LYPD6: variants seen among roughly 807,000 people sequenced by gnomAD.
LYPD6 encodes LY6/PLAUR domain containing 6, also known as ly6/PLAUR domain-containing protein 6.
LYPD6 carries 15 observed loss-of-function variants against 22.7 expected under a neutral mutation model. The observed-to-expected ratio is 0.66, with a 90% CI of 0.44 to 1.02. The LOEUF is 1.02. Ranked by LOEUF, LYPD6 falls within the 50% of genes least tolerant of loss-of-function variation. The probability of loss-of-function intolerance (pLI) is 0.00; values close to 1 mark genes in which losing one functional copy is unlikely to be tolerated. For synonymous variants in LYPD6, 72 were observed against 77.5 expected (o/e 0.93, Z 0.37); for missense variants, 189 against 208.4 (o/e 0.91, Z 0.57).
intron 1 of LYPD6, among the ~76,000 whole-genome samples, chr2:149,365,516 T>C (rs1170728110): frequency 2.0e-5 from 3 of 152,164 alleles, no homozygotes; most frequent in Non-Finnish European, 4.4e-5. Flanking sequence ...TATTGGATTG[T>C]TATTAAGGAT....
downstream of LYPD6, among the ~76,000 whole-genome samples, chr2:149,478,213 C>G (rs1003000450): frequency 6.6e-6 from 1 of 152,086 alleles, no homozygotes. Context: ...TCTCTTCATA[C>G]TCATCTCAAG....
At chr2:149,330,423 A>G (rs1426348971), upstream of LYPD6, 3 of 150,184 alleles carry the variant, frequency 2.0e-5, no homozygotes, top group Non-Finnish European at 4.4e-5. Context: ...CGCCGGGCCA[A>G]TGAGCGCGCC....
rs762378605 is a variant in LYPD6, at chr2:149,437,694, A to G, written c.-15A>G. ...CACTCCCAGGCCCTCTGTATGAGTG[A>G]CACTTCAGTCTGCCATGGAACCTGG... On this transcript the variant is annotated 5_prime_UTR_variant, in exon 2 of 5. The change abolishes the stop of an existing upstream ORF in the 5' untranslated region. Transcript: ENST00000334166. 3 of 1,613,776 alleles carry G rather than the reference A, an allele frequency of 1.9e-6. No individual in the cohort carries two copies. The highest frequency in any genetic ancestry group is 2.5e-6 in the Non-Finnish European group (3 of 1,179,998).
chr2:149,346,891 G>A lies in LYPD6; in HGVS notation c.-72+16169G>A, dbSNP rs562260739. Among the ~76,000 whole-genome samples, 3 of 152,256 alleles carry A rather than the reference G, an allele frequency of 2.0e-5. No individual in the cohort carries two copies. The East Asian group carries it at 5.8e-4, about 29-fold the overall frequency. ...AATTTTTGTATTTTTAGTAGAGACG[G>A]GGTTTCACCATGTTGGCCAGGATGG... On this transcript the variant is annotated intron_variant, in intron 1 of 4. Transcript: ENST00000334166.
chr2:149,362,470 T>C (rs1424130590), intron 1 of LYPD6, among the ~76,000 whole-genome samples: 2 of 152,042 alleles, frequency 1.3e-5, no homozygotes, highest in African/African-American at 4.8e-5. Flanking sequence ...TAGGAATAAA[T>C]TGAGGAGAAC....
At position 149,356,255 on chromosome 2, in the gene LYPD6, A is replaced by G. The variant is rs539127437; in HGVS notation, c.-72+25533A>G. 3.3e-5 allele frequency among the ~76,000 whole-genome samples: 5 copies of G among 152,260 alleles called. No homozygotes were observed. The East Asian group carries it at 9.7e-4, about 29-fold the overall frequency. On this transcript the variant is annotated intron_variant, in intron 1 of 4. Transcript: ENST00000334166. ...GCTTTCTCCAGTACCAGACTCAACA[A>G]TCCTAGGGAAGAAAGCTCATTGGCC...
At chr2:149,438,175 G>A (rs564810389) in intron 2 of LYPD6, among the ~76,000 whole-genome samples, 9 of 152,296 alleles carry the variant, frequency 5.9e-5, no homozygotes, top group Admixed American at 4.6e-4. Context: ...TCCTTTATAC[G>A]TAAGATAATA....
At chr2:149,415,130 G>C (rs1347028687) in intron 1 of LYPD6, among the ~76,000 whole-genome samples, 1 of 152,214 alleles carries the variant, frequency 6.6e-6, no homozygotes, top group Non-Finnish European at 1.5e-5. Context: ...ATGGGAAAGA[G>C]ACATTCTGTG....
At chr2:149,455,857 A>C (rs1444686432) in intron 3 of LYPD6, among the ~76,000 whole-genome samples, 1 of 152,210 alleles carries the variant, frequency 6.6e-6, no homozygotes, top group Non-Finnish European at 1.5e-5. Flanking sequence ...TTTTAAAAGA[A>C]GTTCCTCCAG....
intron 1 of LYPD6, among the ~76,000 whole-genome samples, chr2:149,379,564 C>A (rs958408766): frequency 6.6e-6 from 1 of 152,142 alleles, no homozygotes; most frequent in Non-Finnish European, 1.5e-5. Context: ...TTCTCATGAT[C>A]GTGATTGAAC....
chr2:149,434,176 GA>G (rs1344277572), intron 1 of LYPD6, among the ~76,000 whole-genome samples: 1 of 152,148 alleles, frequency 6.6e-6, no homozygotes, highest in Non-Finnish European at 1.5e-5. Context: ...ATGATGGAGG[GA>G]GGGGGGAAGC....
intron 2 of LYPD6, among the ~76,000 whole-genome samples, chr2:149,446,938 C>A (rs962752761): frequency 6.6e-6 from 1 of 152,140 alleles, no homozygotes; most frequent in African/African-American, 2.4e-5. Context: ...GATAACATAT[C>A]TAATTGGTTC....
rs59458432 is a variant in LYPD6, at chr2:149,360,189, C to A, written c.-72+29467C>A. ...TACATTATAATTAGTGTATAATGAG[C>A]AGTGAGGACGACTGGAGGTCACTTT... On this transcript the variant is annotated intron_variant, in intron 1 of 4. Transcript: ENST00000334166. 8.8e-3 allele frequency among the ~76,000 whole-genome samples: 1,336 copies of A among 152,262 alleles called. 23 individuals are homozygous for A. The highest frequency in any genetic ancestry group is 0.031 in the African/African-American group (1,282 of 41,540).
At chr2:149,460,710 A>T (rs140388407) in intron 3 of LYPD6, among the ~76,000 whole-genome samples, 1 of 152,288 alleles carries the variant, frequency 6.6e-6, no homozygotes, top group Non-Finnish European at 1.5e-5. Flanking sequence ...CATGGAACAC[A>T]TACCAAAATA....
intron 1 of LYPD6, among the ~76,000 whole-genome samples, chr2:149,353,475 G>C (rs1370588773): frequency 6.6e-6 from 1 of 152,166 alleles, no homozygotes; most frequent in Non-Finnish European, 1.5e-5. Context: ...ACCAGCTGCT[G>C]TGTAATTATG....
At chr2:149,399,115 A>G (rs190309055) in intron 1 of LYPD6, among the ~76,000 whole-genome samples, 1 of 152,260 alleles carries the variant, frequency 6.6e-6, no homozygotes, top group East Asian at 1.9e-4. Flanking sequence ...AAAATCAAGC[A>G]GTGGTGTTAG....
chr2:149,402,907 A>G (rs1369314016), intron 1 of LYPD6, among the ~76,000 whole-genome samples: 1 of 136,044 alleles, frequency 7.4e-6, no homozygotes, highest in East Asian at 2.4e-4. Flanking sequence ...CAGTCCCCAA[A>G]GTGTGATGTT....
At chr2:149,382,005 T>A (rs916501969) in intron 1 of LYPD6, among the ~76,000 whole-genome samples, 1 of 152,198 alleles carries the variant, frequency 6.6e-6, no homozygotes, top group Non-Finnish European at 1.5e-5. Flanking sequence ...AAAGATCAGA[T>A]TAAGTATTTT....
intron 1 of LYPD6, among the ~76,000 whole-genome samples, chr2:149,398,600 C>A (rs560925420): frequency 1.3e-5 from 2 of 152,152 alleles, no homozygotes; most frequent in South Asian, 4.2e-4. Flanking sequence ...AGAAGCTTTC[C>A]TGGAGACCTC....
Sources: gnomAD v4.1 joint callset for allele counts (sites outside exome capture counted in the v4.1 genomes callset) on GRCh38, gnomAD v4.1.1 for gene constraint, MANE v1.5 for transcripts, NCBI Gene and HGNC (gene_info 2026-07-23, HGNC 2026-07-21) for gene names.